The following SLIT1 variants were observed in gnomAD, a reference collection of about 807,000 sequenced individuals.
The protein encoded by SLIT1 is slit guidance ligand 1.
In SLIT1, 66 loss-of-function variants were observed where a neutral mutation model predicts 186.1. That is an observed-to-expected ratio of 0.35 (90% CI 0.29 to 0.44). The LOEUF is 0.44. Among genes scored for constraint, SLIT1 ranks in the 20% least tolerant of loss-of-function variants. SLIT1 has a pLI of 1.00. For synonymous variants in SLIT1, 761 were observed against 833.8 expected, an observed-to-expected ratio of 0.91 and a Z score of 1.50; for missense variants, 1,638 against 2,037.4, an observed-to-expected ratio of 0.80 and a Z score of 3.77.
Position 97,064,157 on chromosome 10 carries a change from G to C in SLIT1, c.629+11C>G. ...TGGCTGCCCCGCTCCCAGCTGCCCCGGCTGACTCACAAGGTCCGTAGCTTG... is the reference window on the plus strand; with the variant it reads ...TGGCTGCCCCGCTCCCAGCTGCCCCCGCTGACTCACAAGGTCCGTAGCTTG... On this transcript the variant is annotated intron_variant, in intron 7 of 36. Coordinates refer to ENST00000266058, the MANE Select transcript of SLIT1 (RefSeq NM_003061.3). The C allele has an allele frequency of 6.2e-7, 1 of 1,609,442 alleles. No individual in the cohort carries two copies. Among genetic ancestry groups the C allele is most frequent in the Non-Finnish European group, 8.5e-7 (1 of 1,177,556 alleles).
intron 4 of SLIT1, among the ~76,000 whole-genome samples, chr10:97,082,205 T>G (rs1469722748): frequency 6.6e-6 from 1 of 152,198 alleles, no homozygotes; most frequent in Admixed American, 6.5e-5. Flanking sequence ...TGAGAGGGCA[T>G]TTAGACATAA....
At position 97,037,400 on chromosome 10, in the gene SLIT1, C is replaced by T. The variant is rs536525960; in HGVS notation, c.2366+298G>A. On this transcript the variant is annotated intron_variant, in intron 22 of 36. Coordinates refer to ENST00000266058, the MANE Select transcript of SLIT1 (RefSeq NM_003061.3). ...ACAGGTGTGAGCCACCGTGCCCGCC[C>T]GACCAGGATAACCCTTTTAACAGTC... 1.2e-4 allele frequency among the ~76,000 whole-genome samples: 19 copies of T among 152,246 alleles called. No homozygotes were observed. In the South Asian group the frequency reaches 3.7e-3, roughly 30 times the overall value.
chr10:97,028,253 T>G (rs1204197820), intron 25 of SLIT1, among the ~76,000 whole-genome samples: 1 of 152,184 alleles, frequency 6.6e-6, no homozygotes, highest in African/African-American at 2.4e-5. Flanking sequence ...AGGCACCACC[T>G]CCAGCAGGGC....
At position 97,073,325 on chromosome 10, in the gene SLIT1, G is replaced by A. The variant is rs568285864; in HGVS notation, c.414-7239C>T. Among the ~76,000 whole-genome samples, 11 of 152,216 alleles carry A rather than the reference G, an allele frequency of 7.2e-5. No homozygotes were observed. The South Asian group carries it at 1.7e-3, about 23-fold the overall frequency. On this transcript the variant is annotated intron_variant, in intron 4 of 36. Coordinates refer to ENST00000266058, the MANE Select transcript of SLIT1 (RefSeq NM_003061.3). Reference sequence around the variant, plus strand: ...TCATTGCTGCCCGTCCTCCTCCCACGCGGCCTTGTCAAACGCCCTGAAGTG... The same window carrying A: ...TCATTGCTGCCCGTCCTCCTCCCACACGGCCTTGTCAAACGCCCTGAAGTG...
At position 97,184,335 on chromosome 10, in the gene SLIT1, T is replaced by C. The variant is rs924383220; in HGVS notation, c.197+1143A>G. On this transcript the variant is annotated intron_variant, in intron 1 of 36. Coordinates refer to ENST00000266058, the MANE Select transcript of SLIT1 (RefSeq NM_003061.3). This position sits in a 1 kb window ranked among gnomAD's most constrained non-coding sequence, Gnocchi z 4.4. Reference sequence around the variant, plus strand: ...TGTGGGAAGGAGGAGTAGGTAGGTTTCAAAGGAGCCAGCAGCCTTCTCCAA... The same window carrying C: ...TGTGGGAAGGAGGAGTAGGTAGGTTCCAAAGGAGCCAGCAGCCTTCTCCAA... 2.0e-5 allele frequency among the ~76,000 whole-genome samples: 3 copies of C among 151,996 alleles called. No individual in the cohort carries two copies. Among genetic ancestry groups the C allele is most frequent in the Non-Finnish European group, 2.9e-5 (2 of 68,002 alleles).
intron 1 of SLIT1, among the ~76,000 whole-genome samples, chr10:97,171,502 C>T (rs1850188642): frequency 6.6e-6 from 1 of 152,164 alleles, no homozygotes; most frequent in Admixed American, 6.5e-5. Flanking sequence ...AATGGATTTC[C>T]ATTGCTCTTG....
rs536281802 is a variant in SLIT1 at position 97,057,510 on chromosome 10, T to C, written c.1086-229A>G. ...GTGCCCTATGGGCTAGAGATGCCCC[T>C]GACTCCAATCACTAACAAAGCAGCT... On this transcript the variant is annotated intron_variant, in intron 11 of 36. Transcript: ENST00000266058. Among the ~76,000 whole-genome samples the C allele has an allele frequency of 2.6e-5, 4 of 152,374 alleles. No homozygotes were observed. In the South Asian group the frequency reaches 8.3e-4, roughly 32 times the overall value.
Position 97,004,877 on chromosome 10 carries a change from G to A in SLIT1, c.3580-54C>T, listed in dbSNP as rs1034194867. On this transcript the variant is annotated intron_variant, in intron 32 of 36. Coordinates refer to ENST00000266058, the MANE Select transcript of SLIT1 (RefSeq NM_003061.3). The surrounding 1 kb of genome is among the most constrained non-coding windows in gnomAD (Gnocchi z 5.1). ...CCCCACCCCATGCAGCAGCGGCACA[G>A]GCTAGCAGATGGGGCAGAGAGGGCA... The A allele has an allele frequency of 9.3e-6, 15 of 1,609,860 alleles. No individual in the cohort carries two copies. The highest frequency in any genetic ancestry group is 3.4e-6 in the Non-Finnish European group (4 of 1,176,866).
intron 20 of SLIT1, 95 bp from the exon 21 acceptor site, chr10:97,040,215 A>C (rs1848678709): frequency 6.2e-6 from 8 of 1,289,738 alleles, no homozygotes. Context: ...CTCTCAGAAC[A>C]GAAGACCCCT....
rs545850640 is a variant in SLIT1, at chr10:97,109,116, A to G, written c.414-43030T>C. On this transcript the variant is annotated intron_variant, in intron 4 of 36. Coordinates refer to ENST00000266058, the MANE Select transcript of SLIT1 (RefSeq NM_003061.3). ...ATAATCCCAGCACTTTGGGAAGCCA[A>G]GGTGGGAGGATCGCTTGAGGCCAGG... Among the ~76,000 whole-genome samples the G allele has an allele frequency of 2.6e-5, 4 of 151,954 alleles. No individual in the cohort carries two copies. In the East Asian group the frequency reaches 7.8e-4, roughly 30 times the overall value.
chr10:97,021,077 T>C lies in SLIT1; in HGVS notation c.2746+173A>G. On this transcript the variant is annotated intron_variant, in intron 26 of 36. Transcript: ENST00000266058. The surrounding 1 kb of genome is among the most constrained non-coding windows in gnomAD (Gnocchi z 4.5). Reference sequence around the variant, plus strand: ...GGATTTTTCTGCCTGGCTCTTTTTGTCCATGATATGTCAGGATTGGAAGGC... The same window carrying C: ...GGATTTTTCTGCCTGGCTCTTTTTGCCCATGATATGTCAGGATTGGAAGGC... Among the ~76,000 whole-genome samples, 1 of 152,220 alleles carries C rather than the reference T, an allele frequency of 6.6e-6. No homozygotes were observed. Among genetic ancestry groups the C allele is most frequent in the East Asian group, 1.9e-4 (1 of 5,190 alleles).
chr10:97,002,855 C>T lies in SLIT1; in HGVS notation c.4003G>A (p.Val1335Met). The T allele has an allele frequency of 1.2e-6, 2 of 1,614,188 alleles. No individual in the cohort carries two copies. Residue 1335 changes from valine to methionine, a missense_variant, in exon 35 of 37, where the codon GTG (valine) becomes ATG (methionine). Physicochemically the swap from Val to Met is conservative, Grantham distance 21. Coordinates refer to ENST00000266058, the MANE Select transcript of SLIT1 (RefSeq NM_003061.3). ...CGGCAGGGTTCGCAGCCTGGCACCA[C>T]GCCTGGCTTCATCTGCGTCTTGGTG... is the stretch of plus-strand genomic sequence containing the variant. ...DFTKTQMKPG[V>M]VPGCEPCRKL...
intron 4 of SLIT1, among the ~76,000 whole-genome samples, chr10:97,104,555 C>T (rs10882865): frequency 0.16 from 23,894 of 151,970 alleles, 2,481 homozygotes; most frequent in African/African-American, 0.29. Context: ...ACTCAGAACC[C>T]TTCAATAACA....
chr10:97,037,671 C>T, intron 22 of SLIT1, 27 bp downstream of exon 22: 1 of 1,587,888 alleles, frequency 6.3e-7, no homozygotes, highest in Admixed American at 1.7e-5. Context: ...AAAGGCCCTC[C>T]TGTCCTCAAG....
At chr10:97,142,958 C>T (rs989653404) in intron 4 of SLIT1, among the ~76,000 whole-genome samples, 1 of 151,740 alleles carries the variant, frequency 6.6e-6, no homozygotes, top group Middle Eastern at 3.2e-3. Context: ...AGGATGGCTA[C>T]TGTTAAAAAA....
chr10:97,109,230 A>G (rs80245595), intron 4 of SLIT1, among the ~76,000 whole-genome samples: 1 of 151,986 alleles, frequency 6.6e-6, no homozygotes, highest in Non-Finnish European at 1.5e-5. Flanking sequence ...ACAGAGTTAC[A>G]GTGAGAAATA....
intron 9 of SLIT1, 139 bp from the exon 10 acceptor site, chr10:97,060,297 C>A: frequency 1.3e-6 from 1 of 747,314 alleles, no homozygotes; most frequent in African/African-American, 1.7e-5. Context: ...AAGTTGAAGT[C>A]TGGGGTAAGG....
chr10:97,019,453 G>A (rs1848484011), intron 26 of SLIT1, among the ~76,000 whole-genome samples: 1 of 152,152 alleles, frequency 6.6e-6, no homozygotes, highest in African/African-American at 2.4e-5. Context: ...CACCGAAGTT[G>A]GCCAACCCTT....
At chr10:97,037,003 C>G (rs991072102) in intron 22 of SLIT1, among the ~76,000 whole-genome samples, 2 of 151,668 alleles carry the variant, frequency 1.3e-5, no homozygotes, top group African/African-American at 4.9e-5. Flanking sequence ...TCACCCTCCA[C>G]TTTTCCTGGC....
Sources: allele counts gnomAD v4.1 joint callset (sites outside exome capture counted in the v4.1 genomes callset), GRCh38; gene constraint gnomAD v4.1.1; non-coding constraint Gnocchi (gnomAD v3.1); transcripts MANE v1.5; gene names NCBI Gene and HGNC (gene_info 2026-07-23, HGNC 2026-07-21).